The following INSYN2B variants were observed in gnomAD, a reference collection of about 807,000 sequenced individuals.
The protein encoded by INSYN2B is protein INSYN2B.
A neutral mutation model predicts 41.2 loss-of-function variants in INSYN2B; 16 were observed. That is an observed-to-expected ratio of 0.39 (90% CI 0.26 to 0.59). The LOEUF is 0.59. Among genes scored for constraint, INSYN2B ranks in the 20% least tolerant of loss-of-function variants. The pLI is 0.57. For synonymous variants in INSYN2B, 245 were observed against 244.4 expected (o/e 1.00, Z -0.02); for missense variants, 608 against 646.4 (o/e 0.94, Z 0.64).
intron 1 of INSYN2B, among the ~76,000 whole-genome samples, chr5:169,904,532 G>A (rs1159257033): frequency 6.6e-6 from 1 of 151,986 alleles, no homozygotes; most frequent in African/African-American, 2.4e-5. Context: ...GGTGGGAAGG[G>A]GTTGGCAGAG....
At chr5:169,973,672 C>T (rs11134600) in intron 1 of INSYN2B, among the ~76,000 whole-genome samples, 30,462 of 152,106 alleles carry the variant, frequency 0.2, 3,807 homozygotes, top group East Asian at 0.42. Flanking sequence ...TCCCAGTATG[C>T]GGTATTGGTA....
chr5:169,957,353 A>G (rs548257298), intron 1 of INSYN2B, among the ~76,000 whole-genome samples: 7 of 152,360 alleles, frequency 4.6e-5, no homozygotes, highest in East Asian at 1.9e-4. Flanking sequence ...TCAGAATTCA[A>G]TGAGACAAAA....
At chr5:169,962,893 TC>T (rs1448219139) in intron 1 of INSYN2B, among the ~76,000 whole-genome samples, 1 of 151,992 alleles carries the variant, frequency 6.6e-6, no homozygotes, top group Admixed American at 6.6e-5. Context: ...AAGCCTTAGC[TC>T]CCCTGTCCCT....
chr5:169,865,907 C>T (rs755801682), intron 3 of INSYN2B, among the ~76,000 whole-genome samples: 2 of 152,188 alleles, frequency 1.3e-5, no homozygotes, highest in Non-Finnish European at 2.9e-5. Flanking sequence ...CTCCCAGGGC[C>T]GGGGACCCGA....
At chr5:169,950,802 C>T (rs1776634215) in intron 1 of INSYN2B, among the ~76,000 whole-genome samples, 1 of 152,200 alleles carries the variant, frequency 6.6e-6, no homozygotes, top group South Asian at 2.1e-4. Flanking sequence ...GATGAACCAC[C>T]AGCTTCAGCA....
At chr5:169,935,794 T>TA (rs749049258) in intron 1 of INSYN2B, among the ~76,000 whole-genome samples, 1 of 152,146 alleles carries the variant, frequency 6.6e-6, no homozygotes, top group Non-Finnish European at 1.5e-5. Flanking sequence ...TGTAAAAATA[T>TA]AAAAAATCAG....
intron 3 of INSYN2B, among the ~76,000 whole-genome samples, chr5:169,865,534 C>T (rs978359294): frequency 1.3e-5 from 2 of 152,196 alleles, no homozygotes; most frequent in African/African-American, 4.8e-5. Context: ...TCCCTCTGTC[C>T]TTAATTGTCT....
chr5:169,939,720 T>C (rs1053056597), intron 1 of INSYN2B, among the ~76,000 whole-genome samples: 16 of 152,222 alleles, frequency 1.1e-4, no homozygotes, highest in African/African-American at 3.6e-4. Flanking sequence ...TGTATATATA[T>C]GTTTTCATAT....
Position 169,963,298 on chromosome 5 carries a change from A to T in INSYN2B, c.-919+16979T>A, listed in dbSNP as rs1581477455. Among the ~76,000 whole-genome samples the T allele has an allele frequency of 2.0e-5, 3 of 152,246 alleles. No homozygotes were observed. The East Asian group carries it at 5.8e-4, about 29-fold the overall frequency. ...CCCTTATTTTCTCTAAATCAAATTA[A>T]ATCCAACCCACAGCAGCCCTGACCT... On this transcript the variant is annotated intron_variant, in intron 1 of 3. Transcript: ENST00000377365.
At chr5:169,905,389 G>A (rs973303136) in intron 1 of INSYN2B, among the ~76,000 whole-genome samples, 3 of 152,066 alleles carry the variant, frequency 2.0e-5, no homozygotes, top group Non-Finnish European at 4.4e-5. Context: ...TCATCTGGGG[G>A]CAAACCAAAC....
rs1397769768 is a variant in INSYN2B at position 169,944,928 on chromosome 5, T to A, written c.-919+35349A>T. Among the ~76,000 whole-genome samples the A allele has an allele frequency of 2.6e-5, 4 of 152,204 alleles. No homozygotes were observed. The East Asian group carries it at 7.7e-4, about 29-fold the overall frequency. On this transcript the variant is annotated intron_variant, in intron 1 of 3. Transcript: ENST00000377365. Reference sequence around the variant, plus strand: ...GCCCTGTCTCTTGTCTGCTACATGTTCTAACTTCTTTCTCCCTTCAGAAAT... The same window carrying A: ...GCCCTGTCTCTTGTCTGCTACATGTACTAACTTCTTTCTCCCTTCAGAAAT...
Position 169,904,091 on chromosome 5 carries a change from CAAAAAAAAAAAA to C in INSYN2B, c.-918-19287_-918-19276del, listed in dbSNP as rs57983281. ...TGGGCAACAGAGCAAGACTTCGTCT[CAAAAAAAAAAAA>C]AAAAAAAAAGTTTAGGGGAGGAGAA... On this transcript the variant is annotated intron_variant, in intron 1 of 3. Coordinates refer to ENST00000377365, the MANE Select transcript of INSYN2B (RefSeq NM_001129891.3). Among the ~76,000 whole-genome samples, 316 of 70,374 alleles carry C rather than the reference CAAAAAAAAAAAA, an allele frequency of 4.5e-3. 14 individuals carry two copies. In the South Asian group the frequency reaches 0.14, roughly 31 times the overall value. 46.2% of individuals were successfully genotyped at this position (70,374 alleles called of 152,430 possible).
At chr5:169,940,463 T>C (rs1488844478) in intron 1 of INSYN2B, among the ~76,000 whole-genome samples, 1 of 152,228 alleles carries the variant, frequency 6.6e-6, no homozygotes, top group Non-Finnish European at 1.5e-5. Flanking sequence ...TTACATTTAT[T>C]GTGCACTTTA....
At chr5:169,870,645 C>T (rs139945015) in intron 3 of INSYN2B, among the ~76,000 whole-genome samples, 1 of 151,776 alleles carries the variant, frequency 6.6e-6, no homozygotes, top group Admixed American at 6.6e-5. Context: ...GGTACATGTG[C>T]ACAATGTGCA....
intron 1 of INSYN2B, among the ~76,000 whole-genome samples, chr5:169,969,487 G>T (rs1441252287): frequency 6.6e-6 from 1 of 152,182 alleles, no homozygotes; most frequent in Non-Finnish European, 1.5e-5. Context: ...GACTTCATTT[G>T]TGTCAGAGAG....
intron 1 of INSYN2B, among the ~76,000 whole-genome samples, chr5:169,891,026 C>T (rs1205466725): frequency 3.9e-5 from 6 of 152,336 alleles, no homozygotes; most frequent in Non-Finnish European, 5.9e-5. Flanking sequence ...GGGCCACAAC[C>T]TTGAACACAA....
Position 169,917,151 on chromosome 5 carries a change from A to C in INSYN2B, c.-918-32335T>G, listed in dbSNP as rs572504535. Among the ~76,000 whole-genome samples, 3 of 152,324 alleles carry C rather than the reference A, an allele frequency of 2.0e-5. No homozygotes were observed. In the South Asian group the frequency reaches 6.2e-4, roughly 32 times the overall value. ...GACAAAAGACAACCTTTTTTAGTGA[A>C]GGAAAATTCACAGCAACCAATCTGG... On this transcript the variant is annotated intron_variant, in intron 1 of 3. Coordinates refer to ENST00000377365, the MANE Select transcript of INSYN2B (RefSeq NM_001129891.3).
chr5:169,884,058 T>C lies in INSYN2B; in HGVS notation c.-160A>G, dbSNP rs953349241. ...TAGTATGGGAAATCCTGTTGGCCAT[T>C]CCCAGCCTCTAGAGTCTACGTAGGA... On this transcript the variant is annotated 5_prime_UTR_variant, in exon 2 of 4. Coordinates refer to ENST00000377365, the MANE Select transcript of INSYN2B (RefSeq NM_001129891.3). The C allele has an allele frequency of 3.6e-6, 2 of 556,712 alleles. No individual in the cohort carries two copies. The highest frequency in any genetic ancestry group is 3.7e-5 in the African/African-American group (2 of 53,582). The allele number at this position is 556,712 out of a possible 1,614,324, so 34.5% of individuals were successfully genotyped here.
intron 1 of INSYN2B, among the ~76,000 whole-genome samples, chr5:169,885,866 A>C (rs1169717676): frequency 7.8e-6 from 1 of 127,898 alleles, no homozygotes; most frequent in Non-Finnish European, 1.8e-5. Context: ...ATCTCATTTA[A>C]TCCTTACAAA....
Sources: gnomAD v4.1 joint callset for allele counts (sites outside exome capture counted in the v4.1 genomes callset) on GRCh38, gnomAD v4.1.1 for gene constraint, MANE v1.5 for transcripts, NCBI Gene and HGNC (gene_info 2026-07-23, HGNC 2026-07-21) for gene names.